Variants in MB21D2 observed in about 807,000 individuals in gnomAD.
MB21D2 encodes the protein nucleotidyltransferase MB21D2.
In MB21D2, 9 loss-of-function variants were observed where a neutral mutation model predicts 33.3. The observed-to-expected ratio is 0.27, with a 90% confidence interval of 0.16 to 0.47. The LOEUF is 0.47. Ranked by LOEUF, MB21D2 falls within the 20% of genes least tolerant of loss-of-function variation. The pLI is 0.99. For synonymous variants in MB21D2, 241 were observed against 236.3 expected (o/e 1.02, Z -0.18); for missense variants, 540 against 624.6 (o/e 0.86, Z 1.44).
chr3:192,863,734 G>T (rs1386374624), intron 1 of MB21D2, among the ~76,000 whole-genome samples: 1 of 152,138 alleles, frequency 6.6e-6, no homozygotes, highest in Non-Finnish European at 1.5e-5. Context: ...CAGGTCGTAA[G>T]AGCAGAGCCC....
chr3:192,884,429 C>T (rs762396183), intron 1 of MB21D2, among the ~76,000 whole-genome samples: 14 of 151,814 alleles, frequency 9.2e-5, no homozygotes, highest in South Asian at 4.2e-4. Flanking sequence ...TGCAGTGGCG[C>T]GATCTAGGCT....
chr3:192,798,908 AATG>A lies in MB21D2; in HGVS notation c.951_953del (p.Ile318del). 2 of 1,613,798 alleles carry A rather than the reference AATG, an allele frequency of 1.2e-6. No homozygotes were observed. Among genetic ancestry groups the A allele is most frequent in the Non-Finnish European group, 1.7e-6 (2 of 1,179,846 alleles). ...TAGCCTTGGGCCGGGACAGCAGTTTAATGATGATGGCTTTGCAGGCCTGATAGG... is the reference window on the plus strand; with the variant it reads ...TAGCCTTGGGCCGGGACAGCAGTTTAATGATGGCTTTGCAGGCCTGATAGG... On this transcript the variant is annotated inframe_deletion, in exon 2 of 2. Transcript: ENST00000392452. This position sits in a 1 kb window ranked among gnomAD's most constrained non-coding sequence, Gnocchi z 4.8.
At chr3:192,832,726 G>C (rs1187517400) in intron 1 of MB21D2, among the ~76,000 whole-genome samples, 1 of 152,146 alleles carries the variant, frequency 6.6e-6, no homozygotes, top group Non-Finnish European at 1.5e-5. Context: ...GGAGGCGGAG[G>C]TTGCAGTGAG....
At chr3:192,877,268 A>G (rs76094218) in intron 1 of MB21D2, among the ~76,000 whole-genome samples, 3,843 of 152,244 alleles carry the variant, frequency 0.025, 158 homozygotes, top group African/African-American at 0.087. Context: ...AAACTGTATT[A>G]CCCTCTCAAA....
At chr3:192,862,988 C>T (rs2108634616) in intron 1 of MB21D2, among the ~76,000 whole-genome samples, 1 of 152,242 alleles carries the variant, frequency 6.6e-6, no homozygotes, top group East Asian at 1.9e-4. Flanking sequence ...GCACTAATCC[C>T]ACTGACAAGG....
Position 192,799,235 on chromosome 3 carries a change from C to T in MB21D2, c.627G>A (p.Lys209=). ...IQKKPQRGMP[K]VEKVEKNGTI... ...TCCCATTTTTTTCCACCTTTTCTAC[C>T]TTTGGCATCCCTCGCTGGGGTTTCT... Residue 209 remains lysine, a synonymous_variant, in exon 2 of 2, where the codon AAG becomes AAA. Coordinates refer to ENST00000392452, the MANE Select transcript of MB21D2 (RefSeq NM_178496.4). The surrounding 1 kb of genome is among the most constrained non-coding windows in gnomAD (Gnocchi z 4.1). The T allele has an allele frequency of 6.2e-7, 1 of 1,614,220 alleles. No homozygotes were observed. Among genetic ancestry groups the T allele is most frequent in the South Asian group, 1.1e-5 (1 of 91,080 alleles).
intron 1 of MB21D2, among the ~76,000 whole-genome samples, chr3:192,902,695 T>A (rs1437018887): frequency 1.3e-5 from 2 of 152,170 alleles, no homozygotes; most frequent in Non-Finnish European, 2.9e-5. Context: ...TTGAATCCTA[T>A]TACAACACCC....
At chr3:192,899,483 C>G (rs1028983740) in intron 1 of MB21D2, among the ~76,000 whole-genome samples, 8 of 151,832 alleles carry the variant, frequency 5.3e-5, no homozygotes, top group African/African-American at 1.9e-4. Context: ...GAACCGAGAT[C>G]ACGCCACTGC....
chr3:192,912,464 T>C (rs528043504), intron 1 of MB21D2, among the ~76,000 whole-genome samples: 17 of 151,656 alleles, frequency 1.1e-4, no homozygotes, highest in African/African-American at 4.1e-4. Flanking sequence ...AGGTCAGGAG[T>C]TCTAGACCAG....
chr3:192,799,095 T>C lies in MB21D2; in HGVS notation c.767A>G (p.His256Arg). The C allele has an allele frequency of 6.2e-7, 1 of 1,614,074 alleles. No individual in the cohort carries two copies. Among genetic ancestry groups the C allele is most frequent in the Non-Finnish European group, 8.5e-7 (1 of 1,179,988 alleles). Residue 256 changes from histidine to arginine, a missense_variant, in exon 2 of 2, where the codon CAC (histidine) becomes CGC (arginine). Physicochemically the swap from His to Arg is conservative, Grantham distance 29. Transcript: ENST00000392452. This position sits in a 1 kb window ranked among gnomAD's most constrained non-coding sequence, Gnocchi z 4.1. Reference protein sequence around the residue: ...AVAQSWLMENHFWDGKITEEE... With the variant: ...AVAQSWLMENRFWDGKITEEE... Reference sequence around the variant, plus strand: ...CTCAGTAATCTTCCCATCCCAAAAGTGGTTCTCCATGAGCCAGCTCTGGGC... The same window carrying C: ...CTCAGTAATCTTCCCATCCCAAAAGCGGTTCTCCATGAGCCAGCTCTGGGC...
rs1165022802 is a variant in MB21D2, at chr3:192,917,735, A to T, written c.106T>A (p.Leu36Met). 3.1e-6 allele frequency: 5 copies of T among 1,613,866 alleles called. No individual in the cohort carries two copies. In the Admixed American group the frequency reaches 6.7e-5, roughly 22 times the overall value. The change falls in exon 1 of 2, where the codon TTG becomes ATG. Residue 36 changes from leucine to methionine, a missense_variant. Transcript: ENST00000392452. Reference protein sequence around the residue: ...DFRSGARVEELNKLIQEFTKH... With the variant: ...DFRSGARVEEMNKLIQEFTKH... Reference sequence around the variant, plus strand: ...GTAAATTCTTGGATGAGTTTGTTCAATTCCTCCACCCGAGCTCCCGACCTG... The same window carrying T: ...GTAAATTCTTGGATGAGTTTGTTCATTTCCTCCACCCGAGCTCCCGACCTG...
chr3:192,837,489 T>C (rs1712466629), intron 1 of MB21D2, among the ~76,000 whole-genome samples: 1 of 152,064 alleles, frequency 6.6e-6, no homozygotes. Context: ...TCTGCAATAG[T>C]TCATCATTCC....
intron 1 of MB21D2, among the ~76,000 whole-genome samples, chr3:192,911,447 A>G (rs1714348815): frequency 6.6e-6 from 1 of 152,172 alleles, no homozygotes; most frequent in Admixed American, 6.5e-5. Flanking sequence ...TAGTCTCAAA[A>G]GTCAACTGGG....
intron 1 of MB21D2, among the ~76,000 whole-genome samples, chr3:192,893,551 T>C (rs6778567): frequency 0.48 from 72,994 of 152,092 alleles, 20,945 homozygotes; most frequent in East Asian, 0.8. Context: ...CAACACCCCT[T>C]GACTGTATGG....
chr3:192,904,326 TGCAAAA>T (rs1484242589), intron 1 of MB21D2, among the ~76,000 whole-genome samples: 1 of 152,178 alleles, frequency 6.6e-6, no homozygotes, highest in Admixed American at 6.5e-5. Flanking sequence ...CAGAGCAGGC[TGCAAAA>T]GAACTTTCCT....
At chr3:192,897,961 TAA>T (rs35144681) in intron 1 of MB21D2, among the ~76,000 whole-genome samples, 7 of 150,328 alleles carry the variant, frequency 4.7e-5, no homozygotes, top group Non-Finnish European at 7.4e-5. Context: ...CCTGTCTCAA[TAA>T]AAAAAAAAAT....
intron 1 of MB21D2, among the ~76,000 whole-genome samples, chr3:192,824,517 A>AAATC (rs1239294383): frequency 6.6e-6 from 1 of 151,688 alleles, no homozygotes; most frequent in African/African-American, 2.4e-5. Context: ...ATAAATAAAT[A>AAATC]AATAAATAAA....
chr3:192,913,504 A>G (rs1714398670), intron 1 of MB21D2, among the ~76,000 whole-genome samples: 1 of 152,184 alleles, frequency 6.6e-6, no homozygotes, highest in Admixed American at 6.5e-5. Context: ...CTGAAAAACA[A>G]TGCTTACTGT....
intron 1 of MB21D2, among the ~76,000 whole-genome samples, chr3:192,833,064 G>C (rs909520856): frequency 1.3e-5 from 2 of 151,094 alleles, no homozygotes; most frequent in Non-Finnish European, 2.9e-5. Context: ...GAAGAAAGCA[G>C]AAAACAAATT....
Sources: allele counts gnomAD v4.1 joint callset (sites outside exome capture counted in the v4.1 genomes callset), GRCh38; gene constraint gnomAD v4.1.1; non-coding constraint Gnocchi (gnomAD v3.1); transcripts MANE v1.5; gene names NCBI Gene and HGNC (gene_info 2026-07-23, HGNC 2026-07-21).